ENTREP2: variants seen among roughly 807,000 people sequenced by gnomAD.
The protein encoded by ENTREP2 is protein ENTREP2.
the ENTREP2 span, among the ~76,000 whole-genome samples, chr15:29,655,505 G>C: frequency 4.0e-5 from 6 of 151,738 alleles, no homozygotes; most frequent in African/African-American, 1.2e-4. Flanking sequence ...AGACACACAA[G>C]AAAGCAACAA....
chr15:29,512,686 C>G, the ENTREP2 span, among the ~76,000 whole-genome samples: 1 of 152,166 alleles, frequency 6.6e-6, no homozygotes, highest in Non-Finnish European at 1.5e-5. Flanking sequence ...GAGCCCTCAC[C>G]AGGAACTGAA....
At chr15:29,178,182 T>C in the ENTREP2 span, among the ~76,000 whole-genome samples, 4 of 151,140 alleles carry the variant, frequency 2.6e-5, no homozygotes, top group African/African-American at 9.7e-5. Flanking sequence ...TGGTCCCAGC[T>C]ACTCCAGAGA....
At chr15:29,138,682 T>C in the ENTREP2 span, among the ~76,000 whole-genome samples, 1 of 135,430 alleles carries the variant, frequency 7.4e-6, no homozygotes, top group Admixed American at 7.4e-5. Context: ...TCTCTGTGTG[T>C]ATGTGTATGT....
At chr15:29,626,869 A>G in the ENTREP2 span, among the ~76,000 whole-genome samples, 1 of 152,208 alleles carries the variant, frequency 6.6e-6, no homozygotes, top group Non-Finnish European at 1.5e-5. Flanking sequence ...AAAATGATAA[A>G]GACAAATAAA....
At chr15:29,516,968 CAAAA>C in the ENTREP2 span, among the ~76,000 whole-genome samples, 1 of 88,658 alleles carries the variant, frequency 1.1e-5, no homozygotes, top group South Asian at 4.5e-4. Flanking sequence ...AATTATGAGC[CAAAA>C]AAAAAAAAAA....
At chr15:29,163,438 T>C in the ENTREP2 span, among the ~76,000 whole-genome samples, 1 of 151,118 alleles carries the variant, frequency 6.6e-6, no homozygotes, top group Non-Finnish European at 1.5e-5. Flanking sequence ...ACGGGAGAAA[T>C]AGCCAAGAAA....
At chr15:29,124,404 T>C in the ENTREP2 span, among the ~76,000 whole-genome samples, 4 of 152,172 alleles carry the variant, frequency 2.6e-5, no homozygotes, top group Non-Finnish European at 4.4e-5. Flanking sequence ...CAATTAAACA[T>C]GAGAAATTAA....
chr15:29,657,387 C>G, the ENTREP2 span, among the ~76,000 whole-genome samples: 1 of 144,310 alleles, frequency 6.9e-6, no homozygotes, highest in Non-Finnish European at 1.5e-5. Context: ...GGCACGGACC[C>G]AAAAAGTGAG....
At chr15:29,304,827 C>A in the ENTREP2 span, among the ~76,000 whole-genome samples, 17 of 152,170 alleles carry the variant, frequency 1.1e-4, no homozygotes, top group African/African-American at 3.9e-4. Context: ...CAGTCCCACT[C>A]AGGGCCTCCG....
chr15:29,619,208 C>T, the ENTREP2 span, among the ~76,000 whole-genome samples: 5 of 152,216 alleles, frequency 3.3e-5, no homozygotes, highest in East Asian at 1.9e-4. Context: ...CTGGCTAACA[C>T]GGTGAAACCC....
chr15:29,152,459 G>A, the ENTREP2 span, among the ~76,000 whole-genome samples: 22,661 of 152,058 alleles, frequency 0.15, 3,112 homozygotes, highest in African/African-American at 0.36. Flanking sequence ...CCTGTCAATC[G>A]CTAGTCTGTT....
chr15:29,160,142 C>T, the ENTREP2 span, among the ~76,000 whole-genome samples: 1 of 152,220 alleles, frequency 6.6e-6, no homozygotes, highest in African/African-American at 2.4e-5. Context: ...CCTCACTGCT[C>T]CAGCAGGCAG....
chr15:29,155,151 C>A, the ENTREP2 span, among the ~76,000 whole-genome samples: 3 of 151,740 alleles, frequency 2.0e-5, no homozygotes, highest in African/African-American at 7.3e-5. Context: ...GCGTGGTGGC[C>A]GGCGCCTGTA....
the ENTREP2 span, among the ~76,000 whole-genome samples, chr15:29,408,593 T>G: frequency 6.6e-6 from 1 of 152,202 alleles, no homozygotes; most frequent in Admixed American, 6.5e-5. Flanking sequence ...CAATGATGAT[T>G]CTACTTCCTT....
the ENTREP2 span, among the ~76,000 whole-genome samples, chr15:29,205,043 C>T: frequency 6.6e-6 from 1 of 152,172 alleles, no homozygotes. Context: ...ATTCACTACT[C>T]CAGGTACCTC....
the ENTREP2 span, among the ~76,000 whole-genome samples, chr15:29,419,832 T>C: frequency 2.6e-5 from 4 of 151,990 alleles, no homozygotes; most frequent in African/African-American, 9.7e-5. Context: ...ACCAAGAAAA[T>C]ATCCTTCAAA....
At chr15:29,328,808 A>G in the ENTREP2 span, among the ~76,000 whole-genome samples, 1 of 152,204 alleles carries the variant, frequency 6.6e-6, no homozygotes, top group Non-Finnish European at 1.5e-5. Flanking sequence ...CTATGAACTC[A>G]TGTTTAGCTT....
At chr15:29,333,113 G>C in the ENTREP2 span, among the ~76,000 whole-genome samples, 1 of 152,146 alleles carries the variant, frequency 6.6e-6, no homozygotes, top group Admixed American at 6.5e-5. Context: ...ACCTAAGAAA[G>C]CAGCTAGAGC....
chr15:29,131,256 G>A, the ENTREP2 span, among the ~76,000 whole-genome samples: 13 of 152,038 alleles, frequency 8.6e-5, no homozygotes, highest in African/African-American at 2.9e-4. Flanking sequence ...AAACTTTGAA[G>A]ACACTTTGCT....
Sources: allele counts gnomAD v4.1 joint callset (sites outside exome capture counted in the v4.1 genomes callset), GRCh38; gene constraint gnomAD v4.1.1; transcripts MANE v1.5; gene names NCBI Gene and HGNC (gene_info 2026-07-23, HGNC 2026-07-21).